CYP20A1: variants seen among roughly 807,000 people sequenced by gnomAD.
CYP20A1 encodes the protein cytochrome P450 20A1.
In CYP20A1, 61 loss-of-function variants were observed where a neutral mutation model predicts 61.4. The ratio of observed to expected loss-of-function variants is 0.99; its 90% CI spans 0.81 to 1.23. CYP20A1 has a LOEUF of 1.23. Ranked by LOEUF, CYP20A1 falls within the 50% of genes most tolerant of loss-of-function variation. CYP20A1 has a pLI of 0.00. For missense variants in CYP20A1, 530 were observed against 542.4 expected, an observed-to-expected ratio of 0.98 and a Z score of 0.23; for synonymous variants, 193 against 188.2, an observed-to-expected ratio of 1.03 and a Z score of -0.21.
Position 203,305,194 on chromosome 2 carries a change from C to CTTTTTTTTTTTTTTTTTTTTTTTT in CYP20A1, c.*8288_*8311dup, listed in dbSNP as rs11304494. On this transcript the variant is annotated 3_prime_UTR_variant, in exon 13 of 13. Coordinates refer to ENST00000356079, the MANE Select transcript of CYP20A1 (RefSeq NM_177538.3). Reference sequence around the variant, plus strand: ...AATTGGTTTACAGTTCGGTGGCTGTCTTTTTTTTTTTTTTTTTTTTTTTTT... The same window carrying CTTTTTTTTTTTTTTTTTTTTTTTT: ...AATTGGTTTACAGTTCGGTGGCTGTCTTTTTTTTTTTTTTTTTTTTTTTTTTTTTTTTTTTTTTTTTTTTTTTTT... 3.5e-5 allele frequency among the ~76,000 whole-genome samples: 2 copies of CTTTTTTTTTTTTTTTTTTTTTTTT among 56,896 alleles called. No individual in the cohort carries two copies. Among genetic ancestry groups the CTTTTTTTTTTTTTTTTTTTTTTTT allele is most frequent in the Non-Finnish European group, 5.9e-5 (2 of 34,110 alleles). 37.3% of individuals were successfully genotyped at this position (56,896 alleles called of 152,430 possible).
chr2:203,241,528 A>G (rs2066254674), intron 1 of CYP20A1, among the ~76,000 whole-genome samples: 1 of 152,266 alleles, frequency 6.6e-6, no homozygotes, highest in Non-Finnish European at 1.5e-5. Context: ...GAGCCAGCAA[A>G]GGAGACTGAG....
At chr2:203,279,358 T>G (rs2067954416) in intron 7 of CYP20A1, among the ~76,000 whole-genome samples, 3 of 152,100 alleles carry the variant, frequency 2.0e-5, no homozygotes, top group Admixed American at 2.0e-4. Context: ...TATTTAATAT[T>G]ATTAAATTGA....
chr2:203,256,198 G>A (rs1182552897), intron 4 of CYP20A1, among the ~76,000 whole-genome samples: 1 of 151,890 alleles, frequency 6.6e-6, no homozygotes, highest in Non-Finnish European at 1.5e-5. Context: ...TGAACTCGTG[G>A]CCTCAAGTGT....
chr2:203,257,987 G>GGATGCCTGGGCTCAAGGGCAGTGGCAC (rs2066975129), intron 4 of CYP20A1, among the ~76,000 whole-genome samples: 1 of 152,146 alleles, frequency 6.6e-6, no homozygotes, highest in Non-Finnish European at 1.5e-5. Context: ...CTGGAGCATC[G>GGATGCCTGGGCTCAAGGGCAGTGGCAC]AATTCCTGGG....
rs750748220 is a variant in CYP20A1, at chr2:203,266,674, A to G, written c.593A>G (p.His198Arg). ...GAAGTCATTCGCTTCCAGAAGAATCATGGCACAGTAAGTCTGGGGCTAAAT... is the reference window on the plus strand; with the variant it reads ...GAAGTCATTCGCTTCCAGAAGAATCGTGGCACAGTAAGTCTGGGGCTAAAT... ...DQEVIRFQKNHGTVWSEIGKG... is the reference protein window; with the variant it reads ...DQEVIRFQKNRGTVWSEIGKG... The change falls in exon 5 of 13, where the codon CAT becomes CGT. Residue 198 changes from histidine to arginine, a missense_variant. Transcript: ENST00000356079. The G allele has an allele frequency of 3.1e-6, 5 of 1,613,766 alleles. No homozygotes were observed. Among genetic ancestry groups the G allele is most frequent in the Admixed American group, 1.7e-5 (1 of 60,004 alleles).
chr2:203,288,451 A>G (rs2068392980), intron 9 of CYP20A1, among the ~76,000 whole-genome samples: 2 of 152,006 alleles, frequency 1.3e-5, no homozygotes, highest in African/African-American at 4.8e-5. Flanking sequence ...AACTTCCTTT[A>G]TAACATGTGC....
At chr2:203,269,264 A>C (rs970230898) in intron 5 of CYP20A1, among the ~76,000 whole-genome samples, 1 of 149,582 alleles carries the variant, frequency 6.7e-6, no homozygotes, top group African/African-American at 2.4e-5. Flanking sequence ...CAACACAGTG[A>C]GACCCCTGTC....
At chr2:203,262,304 T>G (rs1160721429) in intron 4 of CYP20A1, among the ~76,000 whole-genome samples, 1 of 152,062 alleles carries the variant, frequency 6.6e-6, no homozygotes, top group Non-Finnish European at 1.5e-5. Flanking sequence ...GTGATCCTCC[T>G]GCCTCAGCCC....
At position 203,245,861 on chromosome 2, in the gene CYP20A1, G is replaced by T. The variant is rs1441652670; in HGVS notation, c.88G>T (p.Ala30Ser). Reference protein sequence around the residue: ...LYLYPASRQAAGIPGITPTEE... With the variant: ...LYLYPASRQASGIPGITPTEE... Reference sequence around the variant, plus strand: ...TTTTTGTAAGGCTTCCAGACAAGCTGCAGGAATTCCAGGGATTACTCCAAC... The same window carrying T: ...TTTTTGTAAGGCTTCCAGACAAGCTTCAGGAATTCCAGGGATTACTCCAAC... Residue 30 changes from alanine (A) to serine (S), a missense_variant, in exon 2 of 13, where the codon GCA (alanine) becomes TCA (serine). Transcript: ENST00000356079. The T allele has an allele frequency of 1.2e-6, 2 of 1,602,584 alleles. No individual in the cohort carries two copies. The highest frequency in any genetic ancestry group is 1.7e-6 in the Non-Finnish European group (2 of 1,172,398).
At chr2:203,253,837 G>T (rs756863722) in intron 4 of CYP20A1, among the ~76,000 whole-genome samples, 5 of 152,010 alleles carry the variant, frequency 3.3e-5, no homozygotes, top group Non-Finnish European at 7.4e-5. Flanking sequence ...TCTGGATGGG[G>T]GTGGTGGTGT....
At chr2:203,265,702 G>T (rs7581880) in intron 4 of CYP20A1, among the ~76,000 whole-genome samples, 13,999 of 151,902 alleles carry the variant, frequency 0.092, 767 homozygotes, top group Middle Eastern at 0.18. Flanking sequence ...TGTTTGGTTG[G>T]TTTTTTGAGA....
chr2:203,255,425 G>T (rs2066858397), intron 4 of CYP20A1, among the ~76,000 whole-genome samples: 1 of 152,152 alleles, frequency 6.6e-6, no homozygotes, highest in South Asian at 2.1e-4. Context: ...TTATTATTAT[G>T]AGATTTTTCC....
intron 10 of CYP20A1, among the ~76,000 whole-genome samples, chr2:203,291,862 T>C (rs2068549871): frequency 1.3e-5 from 2 of 152,204 alleles, no homozygotes; most frequent in South Asian, 2.1e-4. Flanking sequence ...CGGTGTGTGA[T>C]GTTCCCCTTC....
chr2:203,288,933 G>A (rs907086562), intron 9 of CYP20A1, among the ~76,000 whole-genome samples: 2 of 152,158 alleles, frequency 1.3e-5, no homozygotes, highest in Non-Finnish European at 2.9e-5. Context: ...GAGCATTTAA[G>A]TGAACTGACT....
chr2:203,252,928 G>T (rs2066749176), intron 4 of CYP20A1, among the ~76,000 whole-genome samples: 1 of 152,054 alleles, frequency 6.6e-6, no homozygotes, highest in Non-Finnish European at 1.5e-5. Flanking sequence ...GGGGTGGTGA[G>T]AGTGGCCACC....
At chr2:203,239,826 AC>A (rs952360870) in intron 1 of CYP20A1, among the ~76,000 whole-genome samples, 3 of 152,146 alleles carry the variant, frequency 2.0e-5, no homozygotes, top group Non-Finnish European at 4.4e-5. Context: ...ATGACTGAGG[AC>A]CGTCTTTAAA....
At chr2:203,287,284 G>A (rs888038134) in intron 9 of CYP20A1, among the ~76,000 whole-genome samples, 2 of 151,404 alleles carry the variant, frequency 1.3e-5, no homozygotes, top group African/African-American at 4.9e-5. Context: ...TTAAATGTTG[G>A]AAGTTTTATT....
rs2068909896 is a variant in CYP20A1 at position 203,298,754 on chromosome 2, G to A, written c.*1846G>A. 6.6e-6 allele frequency among the ~76,000 whole-genome samples: 1 copy of A among 151,468 alleles called. No individual in the cohort carries two copies. The highest frequency in any genetic ancestry group is 2.4e-5 in the African/African-American group (1 of 41,224). ...GCTATTTCAAGAATATTTTAAGTAG[G>A]CTGGGCACGGTAGCTCATGCCTGTT... On this transcript the variant is annotated 3_prime_UTR_variant, in exon 13 of 13. Coordinates refer to ENST00000356079, the MANE Select transcript of CYP20A1 (RefSeq NM_177538.3).
At chr2:203,275,728 C>A (rs1462909360) in intron 6 of CYP20A1, among the ~76,000 whole-genome samples, 1 of 152,182 alleles carries the variant, frequency 6.6e-6, no homozygotes, top group Non-Finnish European at 1.5e-5. Flanking sequence ...GCGTGAGCCA[C>A]CGTGCCTGGG....
Sources: allele counts gnomAD v4.1 joint callset (sites outside exome capture counted in the v4.1 genomes callset), GRCh38; gene constraint gnomAD v4.1.1; transcripts MANE v1.5; gene names NCBI Gene and HGNC (gene_info 2026-07-23, HGNC 2026-07-21).